The following MED15 variants were observed in gnomAD, a reference collection of about 807,000 sequenced individuals.
MED15 encodes mediator of RNA polymerase II transcription subunit 15.
In MED15, 41 loss-of-function variants were observed where a neutral mutation model predicts 118.7. That is an observed-to-expected ratio of 0.35 (90% CI 0.27 to 0.45). The LOEUF (loss-of-function observed/expected upper bound fraction) is 0.45, where lower values mean the gene tolerates loss of function less well. MED15 is among the 20% of genes least tolerant of loss of function. MED15 has a pLI of 1.00. For synonymous variants in MED15, 436 were observed against 413.9 expected (o/e 1.05, Z -0.65); for missense variants, 740 against 1,025.5 (o/e 0.72, Z 3.80).
chr22:20,509,780 G>A (rs1026943969), intron 1 of MED15, among the ~76,000 whole-genome samples: 3 of 152,134 alleles, frequency 2.0e-5, no homozygotes, highest in African/African-American at 7.2e-5. Flanking sequence ...TTATCTGTAG[G>A]TGAAAACTTG....
At chr22:20,526,192 A>G (rs2054639975) in intron 1 of MED15, among the ~76,000 whole-genome samples, 1 of 152,128 alleles carries the variant, frequency 6.6e-6, no homozygotes, top group Non-Finnish European at 1.5e-5. Context: ...GGCCTCATTT[A>G]ATTTTTAATT....
chr22:20,525,559 G>A (rs1410443031), intron 1 of MED15, among the ~76,000 whole-genome samples: 13 of 135,526 alleles, frequency 9.6e-5, no homozygotes, highest in Non-Finnish European at 1.2e-4. Context: ...TTTTTGAGAC[G>A]GAGTTTCACT....
intron 1 of MED15, among the ~76,000 whole-genome samples, chr22:20,526,038 A>T (rs1163701673): frequency 6.6e-6 from 1 of 150,484 alleles, no homozygotes; most frequent in Admixed American, 6.6e-5. Flanking sequence ...CTCCCACCTC[A>T]GCCCCCGAGT....
intron 5 of MED15, among the ~76,000 whole-genome samples, chr22:20,555,352 C>T (rs1013934506): frequency 6.6e-6 from 1 of 152,094 alleles, no homozygotes; most frequent in African/African-American, 2.4e-5. Flanking sequence ...TGATGCTGGG[C>T]CCTCCTCCTC....
At position 20,553,652 on chromosome 22, in the gene MED15, C is replaced by T. The variant is rs113574965; in HGVS notation, c.238+478C>T. Among the ~76,000 whole-genome samples the T allele has an allele frequency of 1.9e-4, 29 of 152,226 alleles. 1 individual carries two copies. Among genetic ancestry groups the T allele is most frequent in the African/African-American group, 7.0e-4 (29 of 41,524 alleles). ...CTGTGGGAGGCTGAGGCAGGCAGAT[C>T]AGTTGAGGTCAGGAGTTCAAGACCA... is the stretch of plus-strand genomic sequence containing the variant. On this transcript the variant is annotated intron_variant, in intron 4 of 17. Coordinates refer to ENST00000263205, the MANE Select transcript of MED15 (RefSeq NM_001003891.3).
At chr22:20,571,505 A>G (rs1337202841) in intron 8 of MED15, among the ~76,000 whole-genome samples, 1 of 152,242 alleles carries the variant, frequency 6.6e-6, no homozygotes, top group Non-Finnish European at 1.5e-5. Flanking sequence ...AGCAGTGGGT[A>G]GGGCGTATCT....
At chr22:20,575,369 T>C (rs1381790145) in intron 9 of MED15, 137 bp downstream of exon 9, 15 of 134,738 alleles carry the variant, frequency 1.1e-4, no homozygotes, top group Middle Eastern at 3.5e-3. Context: ...CCACAGTCCC[T>C]TTTTTTTTTT....
At chr22:20,538,905 T>C (rs2055182496) in intron 2 of MED15, among the ~76,000 whole-genome samples, 1 of 152,092 alleles carries the variant, frequency 6.6e-6, no homozygotes, top group South Asian at 2.1e-4. Context: ...TTCATCATGT[T>C]GGCCAGGCTG....
At chr22:20,546,637 C>G (rs761589044) in intron 2 of MED15, among the ~76,000 whole-genome samples, 44 of 151,942 alleles carry the variant, frequency 2.9e-4, no homozygotes, top group Non-Finnish European at 5.1e-4. Flanking sequence ...AGGAGTCCCC[C>G]CAAGGGCCAC....
At chr22:20,543,463 T>C (rs1414427400) in intron 2 of MED15, among the ~76,000 whole-genome samples, 9 of 143,424 alleles carry the variant, frequency 6.3e-5, no homozygotes, top group East Asian at 4.3e-4. Flanking sequence ...CTGCCTGCCT[T>C]GGCCTCCCAA....
At chr22:20,519,163 T>C (rs1277951303) in intron 1 of MED15, among the ~76,000 whole-genome samples, 1 of 152,006 alleles carries the variant, frequency 6.6e-6, no homozygotes, top group Non-Finnish European at 1.5e-5. Flanking sequence ...CTGAGACATT[T>C]ATTTAAAGAC....
intron 2 of MED15, among the ~76,000 whole-genome samples, chr22:20,537,695 A>G (rs751874813): frequency 6.6e-6 from 1 of 152,248 alleles, no homozygotes; most frequent in Non-Finnish European, 1.5e-5. Context: ...GATTTCCACT[A>G]TATGTGGGCT....
At chr22:20,510,380 A>T (rs76188872) in intron 1 of MED15, among the ~76,000 whole-genome samples, 3,783 of 152,282 alleles carry the variant, frequency 0.025, 160 homozygotes, top group African/African-American at 0.086. Context: ...GCGAGACTCC[A>T]TCTCAAAAAC....
intron 17 of MED15, 105 bp from the exon 18 acceptor site, chr22:20,586,463 C>T (rs937458397): frequency 1.4e-5 from 21 of 1,518,958 alleles, no homozygotes; most frequent in African/African-American, 1.2e-4. Context: ...CCTCCTGGTG[C>T]TTCGGCCCGC....
intron 2 of MED15, among the ~76,000 whole-genome samples, chr22:20,548,806 A>G (rs1038242296): frequency 6.6e-5 from 10 of 152,024 alleles, no homozygotes; most frequent in African/African-American, 1.9e-4. Context: ...TGGAAATTCT[A>G]TGAAGCTTTT....
intron 8 of MED15, 191 bp from the exon 9 acceptor site, chr22:20,574,922 C>T (rs2056777056): frequency 1.4e-6 from 1 of 720,872 alleles, no homozygotes; most frequent in African/African-American, 1.8e-5. Flanking sequence ...ATTCCCAATG[C>T]CCAGACAGAC....
intron 2 of MED15, among the ~76,000 whole-genome samples, chr22:20,547,222 T>C (rs2055578262): frequency 6.6e-6 from 1 of 152,258 alleles, no homozygotes; most frequent in Admixed American, 6.5e-5. Flanking sequence ...CTAATTGTCC[T>C]TAAAATGTAT....
intron 2 of MED15, among the ~76,000 whole-genome samples, chr22:20,548,485 A>G (rs757829421): frequency 7.2e-5 from 11 of 152,104 alleles, no homozygotes; most frequent in Admixed American, 3.3e-4. Flanking sequence ...TTATCTTCTC[A>G]ATAGTAAAAG....
chr22:20,529,720 C>T (rs1222829685), intron 1 of MED15, among the ~76,000 whole-genome samples: 1 of 152,328 alleles, frequency 6.6e-6, no homozygotes, highest in African/African-American at 2.4e-5. Flanking sequence ...CTACCTCAGC[C>T]TCCCGAGTAG....
Sources: allele counts gnomAD v4.1 joint callset (sites outside exome capture counted in the v4.1 genomes callset), GRCh38; gene constraint gnomAD v4.1.1; transcripts MANE v1.5; gene names NCBI Gene and HGNC (gene_info 2026-07-23, HGNC 2026-07-21).